The following CAST variants were observed in gnomAD, a reference collection of about 807,000 sequenced individuals.
CAST encodes the protein calpastatin.
A neutral mutation model predicts 119.6 loss-of-function variants in CAST; 76 were observed. The ratio of observed to expected loss-of-function variants is 0.64; its 90% confidence interval spans 0.53 to 0.77. The LOEUF is 0.77. Among genes scored for constraint, CAST ranks in the 30% least tolerant of loss-of-function variants. The pLI is 0.00. For synonymous variants in CAST, 319 were observed against 331.6 expected (o/e 0.96, Z 0.41); for missense variants, 953 against 946.5 (o/e 1.01, Z -0.09).
chr5:96,533,271 G>A (rs1188610548), intron 1 of CAST, among the ~76,000 whole-genome samples: 1 of 151,990 alleles, frequency 6.6e-6, no homozygotes, highest in African/African-American at 2.4e-5. Context: ...AAAGAGGTAA[G>A]AAACAACAAA....
the CAST span, among the ~76,000 whole-genome samples, chr5:96,475,093 T>C: frequency 6.6e-6 from 1 of 152,202 alleles, no homozygotes; most frequent in Non-Finnish European, 1.5e-5. Context: ...GCCATACCTA[T>C]GGCAAAGCAC....
chr5:96,281,951 G>C, the CAST span, among the ~76,000 whole-genome samples: 2 of 152,138 alleles, frequency 1.3e-5, no homozygotes, highest in Non-Finnish European at 2.9e-5. Context: ...TCAACTCCAT[G>C]GAGAGAGCAT....
chr5:96,674,146 A>T (rs778879610), intron 1 of CAST, among the ~76,000 whole-genome samples: 4 of 152,180 alleles, frequency 2.6e-5, no homozygotes, highest in Admixed American at 1.3e-4. Context: ...GGCAAACAAC[A>T]GATTTTAGTC....
intron 1 of CAST, among the ~76,000 whole-genome samples, chr5:96,637,668 A>G (rs996101332): frequency 7.2e-5 from 11 of 152,218 alleles, no homozygotes; most frequent in Admixed American, 6.5e-5. Flanking sequence ...AAAATAACAT[A>G]AAACTAAAAT....
chr5:96,479,450 C>CTTTTTTTTTTTTTTTTT, the CAST span, among the ~76,000 whole-genome samples: 3 of 115,298 alleles, frequency 2.6e-5, 1 homozygote, highest in Non-Finnish European at 5.6e-5. Flanking sequence ...CCAGGCACTC[C>CTTTTTTTTTTTTTTTTT]TTATTTTTTT....
chr5:96,636,984 G>A (rs187338083), intron 1 of CAST, among the ~76,000 whole-genome samples: 18 of 152,224 alleles, frequency 1.2e-4, no homozygotes, highest in Admixed American at 9.8e-4. Context: ...GGTCAGAGCT[G>A]GAATAGATCA....
At chr5:96,747,489 T>G in intron 18 of CAST, 97 bp downstream of exon 18, 1 of 811,152 alleles carries the variant, frequency 1.2e-6, no homozygotes, top group Non-Finnish European at 2.1e-6. Flanking sequence ...CTGTGCAGAC[T>G]TGCATGCTAA....
chr5:96,583,095 C>G (rs535636599), intron 1 of CAST, among the ~76,000 whole-genome samples: 5 of 152,246 alleles, frequency 3.3e-5, no homozygotes, highest in Middle Eastern at 6.8e-3. Flanking sequence ...ATTGCCCAAA[C>G]CTTTAATGGT....
At chr5:96,455,202 C>T in the CAST span, among the ~76,000 whole-genome samples, 4,740 of 152,272 alleles carry the variant, frequency 0.031, 223 homozygotes, top group African/African-American at 0.1. Context: ...CCTGCATCTC[C>T]TCTTGGGACT....
chr5:96,488,379 C>A, the CAST span, among the ~76,000 whole-genome samples: 1 of 152,114 alleles, frequency 6.6e-6, no homozygotes, highest in Admixed American at 6.5e-5. Flanking sequence ...AAAAAAAACC[C>A]TAAGTATTTG....
At chr5:96,145,122 C>A in the CAST span, among the ~76,000 whole-genome samples, 2 of 152,154 alleles carry the variant, frequency 1.3e-5, no homozygotes, top group East Asian at 1.9e-4. Flanking sequence ...TGAACATCAA[C>A]CTGCCCAAGC....
the CAST span, among the ~76,000 whole-genome samples, chr5:96,189,719 T>A: frequency 6.6e-6 from 1 of 152,180 alleles, no homozygotes; most frequent in Non-Finnish European, 1.5e-5. Flanking sequence ...CACTTTTTAT[T>A]TTACTGCTTT....
At chr5:96,507,826 A>C in the CAST span, among the ~76,000 whole-genome samples, 3 of 152,150 alleles carry the variant, frequency 2.0e-5, no homozygotes, top group African/African-American at 7.2e-5. Context: ...AGTTTGTATC[A>C]AAATTTTTTA....
chr5:96,408,215 G>C, the CAST span: 1 of 1,603,002 alleles, frequency 6.2e-7, no homozygotes, highest in South Asian at 1.1e-5. Context: ...AAGCTTTCTG[G>C]GCCTTACTTT....
chr5:96,750,501 G>T (rs1053188574), intron 19 of CAST, 86 bp from the exon 20 acceptor site: 6 of 767,876 alleles, frequency 7.8e-6, no homozygotes, highest in Admixed American at 7.3e-5. Context: ...ATATAATGTA[G>T]CGGAGTGTCT....
the CAST span, among the ~76,000 whole-genome samples, chr5:96,321,897 C>A: frequency 6.6e-6 from 1 of 152,106 alleles, no homozygotes; most frequent in African/African-American, 2.4e-5. Context: ...GCTATGGTAT[C>A]TCCCTTCTCC....
At chr5:96,203,945 A>G in the CAST span, among the ~76,000 whole-genome samples, 4 of 152,076 alleles carry the variant, frequency 2.6e-5, no homozygotes, top group Admixed American at 2.6e-4. Context: ...CTGATGAGTA[A>G]TGGTGGAAGA....
At chr5:96,551,161 C>A (rs1166361804) in intron 1 of CAST, among the ~76,000 whole-genome samples, 1 of 152,090 alleles carries the variant, frequency 6.6e-6, no homozygotes, top group Non-Finnish European at 1.5e-5. Context: ...TAAGGGCAGC[C>A]AGAGAGAAAG....
At chr5:96,473,642 C>G in the CAST span, among the ~76,000 whole-genome samples, 3 of 152,166 alleles carry the variant, frequency 2.0e-5, no homozygotes, top group African/African-American at 7.2e-5. Context: ...TATCGGGAAA[C>G]CAATAGCATC....
Sources: gnomAD v4.1 joint callset for allele counts (sites outside exome capture counted in the v4.1 genomes callset) on GRCh38, gnomAD v4.1.1 for gene constraint, MANE v1.5 for transcripts, NCBI Gene and HGNC (gene_info 2026-07-23, HGNC 2026-07-21) for gene names.